Variants in TTC33 observed in about 807,000 individuals in gnomAD.
TTC33 encodes the protein tetratricopeptide repeat domain 33, also known as tetratricopeptide repeat protein 33.
Under a neutral mutation model 29.4 loss-of-function variants are expected in TTC33, and 24 were observed. The observed-to-expected ratio is 0.82, with a 90% CI of 0.59 to 1.15. The LOEUF is 1.15. TTC33 is among the 50% of genes most tolerant of loss of function. TTC33 has a pLI of 0.00. For synonymous variants in TTC33, 107 were observed against 100.3 expected (o/e 1.07, Z -0.40); for missense variants, 286 against 310.4 (o/e 0.92, Z 0.59).
At chr5:40,743,590 T>C (rs917948932) in intron 2 of TTC33, among the ~76,000 whole-genome samples, 2 of 151,948 alleles carry the variant, frequency 1.3e-5, no homozygotes, top group African/African-American at 2.4e-5. Context: ...CTGGCCAACA[T>C]GGCGAAATCC....
In TTC33 at chr5:40,716,115, ACAGATT is replaced by A. The variant is rs754362168; in HGVS notation, c.*24_*29del. ...AAAACTTCAAGAGGCAATCAAAAAG[ACAGATT>A]CAAATAATCCTATGCATACTGCTTC... On this transcript the variant is annotated 3_prime_UTR_variant, in exon 5 of 5. Transcript: ENST00000337702. 3.9e-6 allele frequency: 6 copies of A among 1,519,190 alleles called. No homozygotes were observed. Among genetic ancestry groups the A allele is most frequent in the Non-Finnish European group, 4.4e-6 (5 of 1,128,616 alleles). The allele number at this position is 1,519,190 out of a possible 1,614,324, so 94.1% of individuals were successfully genotyped here.
At chr5:40,735,800 A>C (rs995644274) in intron 2 of TTC33, among the ~76,000 whole-genome samples, 9 of 152,228 alleles carry the variant, frequency 5.9e-5, no homozygotes, top group African/African-American at 2.2e-4. Flanking sequence ...AATGATGAGA[A>C]GCACAATAAA....
intron 2 of TTC33, among the ~76,000 whole-genome samples, chr5:40,740,721 C>T (rs146680951): frequency 1.5e-3 from 235 of 152,268 alleles, no homozygotes; most frequent in Non-Finnish European, 2.2e-3. Context: ...CCAACCTTCC[C>T]TCCCTCTCCC....
At position 40,713,268 on chromosome 5, in the gene TTC33, T is replaced by A. The variant is rs928997681; in HGVS notation, c.*2877A>T. 1.3e-5 allele frequency among the ~76,000 whole-genome samples: 2 copies of A among 152,106 alleles called. No individual in the cohort carries two copies. Among genetic ancestry groups the A allele is most frequent in the African/African-American group, 2.4e-5 (1 of 41,432 alleles). On this transcript the variant is annotated 3_prime_UTR_variant, in exon 5 of 5. Coordinates refer to ENST00000337702, the MANE Select transcript of TTC33 (RefSeq NM_012382.3). Reference sequence around the variant, plus strand: ...TAGAATGGCTCTGATTCAAGGAAATTAAAAGAAATGATTGTTAATTTTCTT... The same window carrying A: ...TAGAATGGCTCTGATTCAAGGAAATAAAAAGAAATGATTGTTAATTTTCTT...
intron 2 of TTC33, among the ~76,000 whole-genome samples, chr5:40,740,642 T>A (rs1052794114): frequency 6.6e-5 from 10 of 152,192 alleles, no homozygotes; most frequent in Admixed American, 6.5e-5. Context: ...GGGACAACTC[T>A]GACTTGACGA....
intron 2 of TTC33, among the ~76,000 whole-genome samples, chr5:40,737,226 A>AGTGGAGATT (rs1386276676): frequency 6.6e-6 from 1 of 151,612 alleles, no homozygotes; most frequent in East Asian, 2.0e-4. Context: ...GAACCTGGAA[A>AGTGGAGATT]GTGGAGATTG....
At chr5:40,749,068 G>T (rs1352035793) in intron 1 of TTC33, among the ~76,000 whole-genome samples, 2 of 152,146 alleles carry the variant, frequency 1.3e-5, no homozygotes, top group Non-Finnish European at 2.9e-5. Flanking sequence ...GGAGGTTGCA[G>T]TGAGCCTGGG....
chr5:40,732,167 G>A (rs1002864560), intron 2 of TTC33, among the ~76,000 whole-genome samples: 2 of 152,006 alleles, frequency 1.3e-5, no homozygotes, highest in Non-Finnish European at 2.9e-5. Flanking sequence ...ATGCCACTAT[G>A]GCCAGCTAAT....
At chr5:40,722,745 T>G (rs1261005241) in intron 4 of TTC33, among the ~76,000 whole-genome samples, 1 of 149,174 alleles carries the variant, frequency 6.7e-6, no homozygotes. Flanking sequence ...GGGCAGCCCC[T>G]GCCCGGCCAG....
rs1741980217 is a variant in TTC33 at position 40,715,511 on chromosome 5, A to G, written c.*634T>C. On this transcript the variant is annotated 3_prime_UTR_variant, in exon 5 of 5. Transcript: ENST00000337702. ...ACTTTTACCAAATACTGAAGGAGAC[A>G]ACTATCATTGTTACAACTTCAAAGT... The G allele has an allele frequency of 6.6e-6, 1 of 152,364 alleles. No individual in the cohort carries two copies. Among genetic ancestry groups the G allele is most frequent in the South Asian group, 2.1e-4 (1 of 4,836 alleles). The allele number at this position is 152,364 out of a possible 1,614,324, so 9.4% of individuals were successfully genotyped here.
chr5:40,751,241 A>G (rs62356515), intron 1 of TTC33, among the ~76,000 whole-genome samples: 17,072 of 152,232 alleles, frequency 0.11, 1,264 homozygotes, highest in Non-Finnish European at 0.17. Context: ...TGAGGAAAAG[A>G]TGCTGTTGTT....
chr5:40,733,487 C>G (rs1399770109), intron 2 of TTC33, among the ~76,000 whole-genome samples: 1 of 152,130 alleles, frequency 6.6e-6, no homozygotes, highest in Non-Finnish European at 1.5e-5. Flanking sequence ...TTTGCCAACC[C>G]TAGATCTACT....
At chr5:40,738,422 A>C (rs1012048963) in intron 2 of TTC33, among the ~76,000 whole-genome samples, 4 of 148,688 alleles carry the variant, frequency 2.7e-5, no homozygotes, top group African/African-American at 1.0e-4. Flanking sequence ...CTCAAAAATA[A>C]AATAAAATAA....
intron 4 of TTC33, among the ~76,000 whole-genome samples, chr5:40,722,640 G>T (rs151017804): frequency 6.7e-6 from 1 of 149,046 alleles, no homozygotes; most frequent in African/African-American, 2.5e-5. Context: ...CAGCTGCCCC[G>T]TCTGGGAAGT....
At chr5:40,754,387 T>C (rs150177162) in intron 1 of TTC33, among the ~76,000 whole-genome samples, 1 of 152,140 alleles carries the variant, frequency 6.6e-6, no homozygotes, top group African/African-American at 2.4e-5. Context: ...GAAAGGAAAA[T>C]GAGGAATTTC....
At chr5:40,726,561 T>A (rs1336554917) in intron 4 of TTC33, among the ~76,000 whole-genome samples, 3 of 146,920 alleles carry the variant, frequency 2.0e-5, no homozygotes, top group African/African-American at 7.4e-5. Context: ...AAAAAAAAAA[T>A]ACTTTCAATT....
chr5:40,749,231 A>G (rs1336387951), intron 1 of TTC33, among the ~76,000 whole-genome samples: 5 of 152,244 alleles, frequency 3.3e-5, no homozygotes, highest in Non-Finnish European at 1.5e-5. Context: ...ACAAATATTT[A>G]TTTAGAGAAG....
At chr5:40,726,436 C>T (rs373563778) in intron 4 of TTC33, among the ~76,000 whole-genome samples, 1 of 151,350 alleles carries the variant, frequency 6.6e-6, no homozygotes, top group East Asian at 1.9e-4. Flanking sequence ...TACATAGTGT[C>T]CCTTCGTTAT....
chr5:40,755,107 C>CT lies in TTC33; in HGVS notation c.-2+716dup, dbSNP rs3840325. 1.4e-4 allele frequency among the ~76,000 whole-genome samples: 22 copies of CT among 152,264 alleles called. No individual in the cohort carries two copies. The East Asian group carries it at 4.1e-3, about 28-fold the overall frequency. Reference sequence around the variant, plus strand: ...ATATTTCAGGAATGGCATAACGATTCTAAACAACGACGCTGTATTCTAAAT... The same window carrying CT: ...ATATTTCAGGAATGGCATAACGATTCTTAAACAACGACGCTGTATTCTAAAT... On this transcript the variant is annotated intron_variant, in intron 1 of 4. Coordinates refer to ENST00000337702, the MANE Select transcript of TTC33 (RefSeq NM_012382.3).
Sources: gnomAD v4.1 joint callset for allele counts (sites outside exome capture counted in the v4.1 genomes callset) on GRCh38, gnomAD v4.1.1 for gene constraint, MANE v1.5 for transcripts, NCBI Gene and HGNC (gene_info 2026-07-23, HGNC 2026-07-21) for gene names.